The following DDAH1 variants were observed in gnomAD, a reference collection of about 807,000 sequenced individuals.
The protein encoded by DDAH1 is N(G),N(G)-dimethylarginine dimethylaminohydrolase 1.
In DDAH1, 19 loss-of-function variants were observed where a neutral mutation model predicts 28.8. The observed-to-expected ratio is 0.66, with a 90% confidence interval of 0.46 to 0.97. The LOEUF (loss-of-function observed/expected upper bound fraction) is 0.97. Among genes scored for constraint, DDAH1 ranks in the 50% least tolerant of loss-of-function variants. DDAH1 has a pLI of 0.00. For missense variants in DDAH1, 326 were observed against 375.9 expected, an observed-to-expected ratio of 0.87 and a Z score of 1.10; for synonymous variants, 153 against 154.4, an observed-to-expected ratio of 0.99 and a Z score of 0.07.
intron 1 of DDAH1, among the ~76,000 whole-genome samples, chr1:85,425,043 G>A (rs1523994): frequency 0.77 from 116,799 of 151,970 alleles, 45,198 homozygotes; most frequent in Middle Eastern, 0.85. Context: ...AGCCTTCAAT[G>A]TTTCAATTAT....
intron 4 of DDAH1, among the ~76,000 whole-genome samples, chr1:85,346,046 G>C (rs1294518618): frequency 6.6e-6 from 1 of 152,196 alleles, no homozygotes; most frequent in Non-Finnish European, 1.5e-5. Context: ...CATTAACCAA[G>C]AGTAGATTGC....
At chr1:85,418,263 G>A (rs977811972) in intron 1 of DDAH1, among the ~76,000 whole-genome samples, 3 of 152,078 alleles carry the variant, frequency 2.0e-5, no homozygotes, top group Non-Finnish European at 2.9e-5. Context: ...TCCCTTTTTC[G>A]TCCCAACAAT....
chr1:85,527,318 G>T (rs1207989664), intron 1 of DDAH1, among the ~76,000 whole-genome samples: 2 of 149,046 alleles, frequency 1.3e-5, no homozygotes, highest in African/African-American at 4.9e-5. Flanking sequence ...AAAGGCTTGT[G>T]CAGCGGTCTG....
At chr1:85,333,225 G>A (rs1232019888) in intron 4 of DDAH1, among the ~76,000 whole-genome samples, 1 of 152,184 alleles carries the variant, frequency 6.6e-6, no homozygotes, top group Non-Finnish European at 1.5e-5. Context: ...CACTGATGGT[G>A]TATAGCCAAA....
At chr1:85,347,631 T>G (rs1648947724) in intron 4 of DDAH1, among the ~76,000 whole-genome samples, 1 of 149,620 alleles carries the variant, frequency 6.7e-6, no homozygotes, top group African/African-American at 2.5e-5. Flanking sequence ...TGGGGGAGGG[T>G]GGAGGGATAG....
chr1:85,464,403 T>A lies in DDAH1; in HGVS notation c.303+340A>T, dbSNP rs944308322. The A allele has an allele frequency of 2.2e-5, 28 of 1,251,580 alleles. No homozygotes were observed. The African/African-American group carries it at 4.1e-4, about 18-fold the overall frequency. The allele number at this position is 1,251,580 out of a possible 1,614,324, so 77.5% of individuals were successfully genotyped here. On this transcript the variant is annotated intron_variant, in intron 1 of 5. Transcript: ENST00000284031. The surrounding 1 kb of genome is among the most constrained non-coding windows in gnomAD (Gnocchi z 4.4). ...GAGCGGCACCCCTCGCGGCCCTCGC[T>A]CCCTGGGAAACACTCAGAGTTGCAC...
At chr1:85,470,204 A>T (rs1655570624) in intron 2 of DDAH1, among the ~76,000 whole-genome samples, 1 of 152,200 alleles carries the variant, frequency 6.6e-6, no homozygotes. Context: ...ATAAAGAAAA[A>T]GAGATTTTAT....
chr1:85,367,782 G>C (rs1326940159), intron 1 of DDAH1, among the ~76,000 whole-genome samples: 1 of 152,110 alleles, frequency 6.6e-6, no homozygotes, highest in Non-Finnish European at 1.5e-5. Context: ...ACCTGGAACT[G>C]GTGAGAACAC....
chr1:85,554,920 T>C (rs1658918821), intron 1 of DDAH1, among the ~76,000 whole-genome samples: 1 of 152,240 alleles, frequency 6.6e-6, no homozygotes, highest in Non-Finnish European at 1.5e-5. Flanking sequence ...AACAGGCAAA[T>C]GCATACTAAT....
At chr1:85,521,246 C>T (rs1319427294) in intron 1 of DDAH1, among the ~76,000 whole-genome samples, 2 of 151,536 alleles carry the variant, frequency 1.3e-5, no homozygotes, top group Non-Finnish European at 2.9e-5. Flanking sequence ...TGATTGGAAA[C>T]TTGAGTCCGT....
upstream of DDAH1, among the ~76,000 whole-genome samples, chr1:85,468,270 C>A (rs1369247496): frequency 6.6e-6 from 1 of 152,178 alleles, no homozygotes. Flanking sequence ...AGGGATCCAG[C>A]CTTCTTCTAT....
At chr1:85,341,926 A>C (rs1028821385) in intron 4 of DDAH1, among the ~76,000 whole-genome samples, 2 of 152,214 alleles carry the variant, frequency 1.3e-5, no homozygotes, top group Non-Finnish European at 2.9e-5. Context: ...CCCACTCTGA[A>C]GTGATCCTTA....
At chr1:85,573,080 G>A (rs1022854156) in intron 1 of DDAH1, among the ~76,000 whole-genome samples, 6 of 152,232 alleles carry the variant, frequency 3.9e-5, no homozygotes, top group African/African-American at 1.2e-4. Context: ...AGGAATAATT[G>A]TAATTAAGCA....
At chr1:85,480,758 AAATT>A (rs1655981439) in intron 2 of DDAH1, among the ~76,000 whole-genome samples, 1 of 151,806 alleles carries the variant, frequency 6.6e-6, no homozygotes, top group South Asian at 2.1e-4. Flanking sequence ...ATAAATAAAT[AAATT>A]AATTAATTAA....
At chr1:85,545,095 T>C (rs1658581781) in intron 1 of DDAH1, among the ~76,000 whole-genome samples, 1 of 152,166 alleles carries the variant, frequency 6.6e-6, no homozygotes, top group South Asian at 2.1e-4. Flanking sequence ...CTCTCAGACA[T>C]TCCTCAGCTT....
rs1274510173 is a variant in DDAH1 at position 85,350,504 on chromosome 1, C to A, written c.508G>T (p.Asp170Tyr). 6.2e-7 allele frequency: 1 copy of A among 1,614,148 alleles called. No homozygotes were observed. The highest frequency in any genetic ancestry group is 1.7e-5 in the Admixed American group (1 of 60,024). ...CAGAAACTCTTCAAATGCAACCCAT[C>A]TGCCACTGGCACTGTGGAGACTGCA... ...DYAVSTVPVA[D>Y]GLHLKSFCSM... is the part of the protein sequence containing the mutation. The change falls in exon 4 of 6, where the codon GAT (aspartate) becomes TAT (tyrosine). Residue 170 changes from aspartate to tyrosine, a missense_variant. Coordinates refer to ENST00000284031, the MANE Select transcript of DDAH1 (RefSeq NM_012137.4).
At chr1:85,324,220 A>G (rs1441806101) in intron 5 of DDAH1, among the ~76,000 whole-genome samples, 2 of 151,308 alleles carry the variant, frequency 1.3e-5, no homozygotes, top group Non-Finnish European at 2.9e-5. Flanking sequence ...CAGTGAGCCA[A>G]GATCGTGCCG....
chr1:85,469,100 C>T (rs780675469), upstream of DDAH1, among the ~76,000 whole-genome samples: 46 of 152,222 alleles, frequency 3.0e-4, no homozygotes, highest in Non-Finnish European at 5.9e-4. Context: ...ATCACCTCTG[C>T]TCCCATTCTT....
intron 1 of DDAH1, among the ~76,000 whole-genome samples, chr1:85,433,319 G>C (rs931653490): frequency 6.6e-6 from 1 of 151,980 alleles, no homozygotes; most frequent in South Asian, 2.1e-4. Context: ...GCTTGGCAGG[G>C]GCGAGGAGAC....
Sources: gnomAD v4.1 joint callset for allele counts (sites outside exome capture counted in the v4.1 genomes callset) on GRCh38, gnomAD v4.1.1 for gene constraint, Gnocchi (gnomAD v3.1) non-coding constraint, MANE v1.5 for transcripts, NCBI Gene and HGNC (gene_info 2026-07-23, HGNC 2026-07-21) for gene names.